TMOD1: variants seen among roughly 807,000 people sequenced by gnomAD.
TMOD1 encodes tropomodulin-1.
A neutral mutation model predicts 40.6 loss-of-function variants in TMOD1; 17 were observed. That is an observed-to-expected ratio of 0.42 (90% CI 0.29 to 0.63). The LOEUF (loss-of-function observed/expected upper bound fraction) is 0.63, where lower values mean the gene tolerates loss of function less well. Ranked by LOEUF, TMOD1 falls within the 20% of genes least tolerant of loss-of-function variation. The probability of loss-of-function intolerance (pLI) is 0.22; values close to 1 mark genes in which losing one functional copy is unlikely to be tolerated. For synonymous variants in TMOD1, 181 were observed against 175.0 expected (o/e 1.03, Z -0.27); for missense variants, 391 against 447.6 (o/e 0.87, Z 1.14).
intron 1 of TMOD1, among the ~76,000 whole-genome samples, chr9:97,523,634 A>C (rs1393158742): frequency 6.6e-6 from 1 of 152,206 alleles, no homozygotes. Context: ...TGCAGTAGTA[A>C]AAGTTAGCTA....
intron 1 of TMOD1, among the ~76,000 whole-genome samples, chr9:97,512,031 G>A (rs1447655951): frequency 6.6e-6 from 1 of 152,216 alleles, no homozygotes; most frequent in Non-Finnish European, 1.5e-5. Context: ...CCCAGTAGAG[G>A]TTTGGAGAGT....
chr9:97,542,784 A>G (rs1830293125), intron 2 of TMOD1, among the ~76,000 whole-genome samples: 1 of 150,346 alleles, frequency 6.7e-6, no homozygotes, highest in Non-Finnish European at 1.5e-5. Flanking sequence ...CGGGAGGCAG[A>G]AGTTGCAGTG....
chr9:97,560,220 A>G (rs1830616504), intron 4 of TMOD1, among the ~76,000 whole-genome samples: 1 of 152,168 alleles, frequency 6.6e-6, no homozygotes, highest in African/African-American at 2.4e-5. Flanking sequence ...TCTGACCTCC[A>G]GAAGCCTACA....
At chr9:97,517,608 C>T (rs1378751947) in intron 1 of TMOD1, 1 of 152,178 alleles carries the variant, frequency 6.6e-6, no homozygotes, top group African/African-American at 2.4e-5. Flanking sequence ...GGATAGACAC[C>T]ATCTGAGTGT....
intron 9 of TMOD1, among the ~76,000 whole-genome samples, chr9:97,595,091 ATG>A (rs1346820683): frequency 2.6e-5 from 4 of 152,366 alleles, no homozygotes; most frequent in Admixed American, 2.6e-4. Flanking sequence ...TCTAAAAAAA[ATG>A]TATTTTATTG....
chr9:97,575,034 C>A (rs932741917), intron 8 of TMOD1, among the ~76,000 whole-genome samples: 7 of 152,164 alleles, frequency 4.6e-5, no homozygotes, highest in African/African-American at 1.2e-4. Flanking sequence ...TGCCGGATAA[C>A]GCAGTGGCAA....
At chr9:97,560,849 C>T (rs940581608) in intron 4 of TMOD1, among the ~76,000 whole-genome samples, 8 of 151,518 alleles carry the variant, frequency 5.3e-5, no homozygotes, top group African/African-American at 1.5e-4. Context: ...GGCAACAGAG[C>T]GAGACTCCAT....
chr9:97,585,033 T>C (rs923147993), intron 8 of TMOD1, among the ~76,000 whole-genome samples: 520 of 152,294 alleles, frequency 3.4e-3, no homozygotes, highest in African/African-American at 0.012. Flanking sequence ...ATGTGTGAAT[T>C]TGATCCTGTC....
At chr9:97,597,364 A>G (rs1411134987) in intron 9 of TMOD1, among the ~76,000 whole-genome samples, 1 of 152,164 alleles carries the variant, frequency 6.6e-6, no homozygotes, top group Non-Finnish European at 1.5e-5. Context: ...ACCTGAATAA[A>G]TGGATGCCTT....
chr9:97,561,938 C>A (rs1404940036), intron 4 of TMOD1, among the ~76,000 whole-genome samples: 3 of 152,170 alleles, frequency 2.0e-5, no homozygotes, highest in African/African-American at 4.8e-5. Context: ...TTTTCCTCTA[C>A]CACACTCAGC....
intron 1 of TMOD1, among the ~76,000 whole-genome samples, chr9:97,514,239 T>TGG (rs1225343903): frequency 1.4e-3 from 116 of 82,544 alleles, no homozygotes; most frequent in African/African-American, 1.8e-3. Context: ...TGTTTTTTTT[T>TGG]TGGGGGGGGG....
intron 1 of TMOD1, chr9:97,517,729 G>A (rs4576532): frequency 0.34 from 51,348 of 152,684 alleles, 8,737 homozygotes; most frequent in Admixed American, 0.35. Flanking sequence ...AGAATAATGC[G>A]TCATCAAGGA....
intron 9 of TMOD1, among the ~76,000 whole-genome samples, chr9:97,594,473 T>C (rs935695492): frequency 5.9e-5 from 9 of 152,350 alleles, no homozygotes; most frequent in Non-Finnish European, 1.5e-5. Context: ...ACTGAGGCTG[T>C]TAGCAGGCCT....
At chr9:97,539,338 G>A (rs913043373) in intron 2 of TMOD1, among the ~76,000 whole-genome samples, 3 of 152,200 alleles carry the variant, frequency 2.0e-5, no homozygotes, top group South Asian at 4.1e-4. Flanking sequence ...AGTAGCCCGG[G>A]TGTGAGAGTC....
At chr9:97,544,392 C>T (rs1218288498) in intron 2 of TMOD1, among the ~76,000 whole-genome samples, 1 of 151,814 alleles carries the variant, frequency 6.6e-6, no homozygotes, top group Admixed American at 6.6e-5. Context: ...AAAAATTAGC[C>T]AGGTGTGGTG....
intron 1 of TMOD1, among the ~76,000 whole-genome samples, chr9:97,503,952 C>T (rs1829546042): frequency 6.6e-6 from 1 of 152,152 alleles, no homozygotes; most frequent in African/African-American, 2.4e-5. Flanking sequence ...GAGTGAGAGA[C>T]AGTGGCTTTC....
intron 8 of TMOD1, among the ~76,000 whole-genome samples, chr9:97,576,792 T>C (rs1830948549): frequency 6.6e-6 from 1 of 151,840 alleles, no homozygotes; most frequent in South Asian, 2.1e-4. Flanking sequence ...CGCCACCACG[T>C]CCAGCTAATT....
chr9:97,588,820 T>C (rs1825936067), intron 8 of TMOD1, among the ~76,000 whole-genome samples: 1 of 152,182 alleles, frequency 6.6e-6, no homozygotes, highest in South Asian at 2.1e-4. Flanking sequence ...GAAGTTAGAA[T>C]TAGTATTTTA....
rs1465243210 is a variant in TMOD1, at chr9:97,502,672, G to A, written c.-49+869G>A. ...CACATGCGGAGACGCTGCAGAAATC[G>A]GAGACTGACTGCCCCAGACTCGATC... is the stretch of plus-strand genomic sequence containing the variant. On this transcript the variant is annotated intron_variant, in intron 1 of 9. Coordinates refer to ENST00000259365, the MANE Select transcript of TMOD1 (RefSeq NM_003275.4). This position sits in a 1 kb window ranked among gnomAD's most constrained non-coding sequence, Gnocchi z 6.1. Among the ~76,000 whole-genome samples the A allele has an allele frequency of 6.6e-6, 1 of 152,154 alleles. No individual in the cohort carries two copies. The highest frequency in any genetic ancestry group is 2.4e-5 in the African/African-American group (1 of 41,442).
Sources: allele counts gnomAD v4.1 joint callset (sites outside exome capture counted in the v4.1 genomes callset), GRCh38; gene constraint gnomAD v4.1.1; non-coding constraint Gnocchi (gnomAD v3.1); transcripts MANE v1.5; gene names NCBI Gene and HGNC (gene_info 2026-07-23, HGNC 2026-07-21).